DNM1L: variants seen among roughly 807,000 people sequenced by gnomAD.
DNM1L encodes dynamin-1-like protein.
A neutral mutation model predicts 92.8 loss-of-function variants in DNM1L; 33 were observed. That is an observed-to-expected ratio of 0.36 (90% confidence interval 0.27 to 0.48). DNM1L has a LOEUF of 0.48. DNM1L is among the 20% of genes least tolerant of loss of function. DNM1L has a pLI of 0.99. For missense variants in DNM1L, 485 were observed against 888.8 expected (o/e 0.55, Z 5.78); for synonymous variants, 284 against 305.0 (o/e 0.93, Z 0.72).
chr12:32,736,035 T>C (rs1044411936), intron 13 of DNM1L, among the ~76,000 whole-genome samples: 1 of 151,568 alleles, frequency 6.6e-6, no homozygotes, highest in African/African-American at 2.4e-5. Context: ...CCATCATTAA[T>C]TAACATCTAC....
chr12:32,729,380 C>T lies in DNM1L; in HGVS notation c.1080-1634C>T, dbSNP rs139791155. Among the ~76,000 whole-genome samples, 405 of 152,240 alleles carry T rather than the reference C, an allele frequency of 2.7e-3. 2 individuals carry two copies. The highest frequency in any genetic ancestry group is 9.1e-3 in the African/African-American group (378 of 41,538). On this transcript the variant is annotated intron_variant, in intron 9 of 19. Transcript: ENST00000549701. ...ACAGGCATGAGCCACCGCGCCCAGCCGAAATTCTTATCTATTAAGCAATTA... is the reference window on the plus strand; with the variant it reads ...ACAGGCATGAGCCACCGCGCCCAGCTGAAATTCTTATCTATTAAGCAATTA...
intron 2 of DNM1L, among the ~76,000 whole-genome samples, chr12:32,703,026 A>G (rs1271102040): frequency 6.6e-6 from 1 of 150,640 alleles, no homozygotes; most frequent in Non-Finnish European, 1.5e-5. Flanking sequence ...ACCTTAAGAC[A>G]CTATATGATA....
chr12:32,701,340 G>A, intron 1 of DNM1L, 75 bp from the exon 2 acceptor site: 2 of 1,273,962 alleles, frequency 1.6e-6, no homozygotes, highest in South Asian at 2.5e-5. Flanking sequence ...ATGCTGGTTT[G>A]TTAATATAGT....
At chr12:32,735,921 T>A (rs1954840738) in intron 13 of DNM1L, among the ~76,000 whole-genome samples, 1 of 152,000 alleles carries the variant, frequency 6.6e-6, no homozygotes, top group Admixed American at 6.6e-5. Flanking sequence ...TAACTTATAT[T>A]TTTTTGCAAG....
intron 7 of DNM1L, among the ~76,000 whole-genome samples, chr12:32,720,162 C>G (rs1953741600): frequency 1.3e-5 from 2 of 152,152 alleles, no homozygotes; most frequent in Admixed American, 6.5e-5. Context: ...CTGTCATTCT[C>G]CCATCCCCAC....
chr12:32,681,113 C>T (rs1032750794), intron 1 of DNM1L, among the ~76,000 whole-genome samples: 4 of 152,000 alleles, frequency 2.6e-5, no homozygotes, highest in African/African-American at 9.7e-5. Context: ...AGTAAAGATC[C>T]CATCCTTCTG....
In DNM1L at chr12:32,738,459, C is replaced by T. The variant is rs575209748; in HGVS notation, c.1707+163C>T. ...CTAACCTGTGGAAGATGGCATTAAACGTTGTTTTAATTAGTAACAATAATA... is the reference window on the plus strand; with the variant it reads ...CTAACCTGTGGAAGATGGCATTAAATGTTGTTTTAATTAGTAACAATAATA... On this transcript the variant is annotated intron_variant, in intron 16 of 19. Coordinates refer to ENST00000549701, the MANE Select transcript of DNM1L (RefSeq NM_012062.5). Among the ~76,000 whole-genome samples the T allele has an allele frequency of 4.6e-5, 7 of 152,198 alleles. No homozygotes were observed. The South Asian group carries it at 6.2e-4, about 14-fold the overall frequency.
chr12:32,702,291 T>C (rs1952744432), intron 2 of DNM1L, among the ~76,000 whole-genome samples: 1 of 151,924 alleles, frequency 6.6e-6, no homozygotes, highest in Non-Finnish European at 1.5e-5. Context: ...ACCGTTCTTT[T>C]TTGATTAAAT....
chr12:32,711,469 A>T (rs1025285437), intron 5 of DNM1L, among the ~76,000 whole-genome samples: 1 of 151,958 alleles, frequency 6.6e-6, no homozygotes, highest in Admixed American at 6.6e-5. Flanking sequence ...TCAAACTCTA[A>T]TACCGAATTC....
chr12:32,733,656 C>A (rs1592669816), intron 12 of DNM1L, 59 bp from the exon 13 acceptor site: 2 of 1,417,244 alleles, frequency 1.4e-6, no homozygotes, highest in East Asian at 2.3e-5. Context: ...ATATAAATTT[C>A]TCAAAGTAAA....
At chr12:32,730,511 T>C (rs1954484262) in intron 9 of DNM1L, among the ~76,000 whole-genome samples, 1 of 152,270 alleles carries the variant, frequency 6.6e-6, no homozygotes, top group Non-Finnish European at 1.5e-5. Flanking sequence ...GAGACAAGCC[T>C]GGCTAACAAG....
At chr12:32,713,081 A>T in intron 5 of DNM1L, 128 bp from the exon 6 acceptor site, 2 of 841,350 alleles carry the variant, frequency 2.4e-6, no homozygotes, top group South Asian at 1.8e-5. Context: ...GTAGTATATT[A>T]GTAATGTCTT....
chr12:32,702,489 T>C (rs889242844), intron 2 of DNM1L, among the ~76,000 whole-genome samples: 1 of 152,182 alleles, frequency 6.6e-6, no homozygotes, highest in African/African-American at 2.4e-5. Flanking sequence ...GTAACATAGC[T>C]CTAATTATTA....
intron 6 of DNM1L, among the ~76,000 whole-genome samples, chr12:32,714,812 G>A (rs1303826762): frequency 6.0e-5 from 9 of 149,802 alleles, no homozygotes; most frequent in African/African-American, 2.2e-4. Flanking sequence ...CAAAGTGAGA[G>A]CCCCATCTCT....
At chr12:32,707,463 G>A in intron 3 of DNM1L, 50 bp downstream of exon 3, 1 of 1,301,634 alleles carries the variant, frequency 7.7e-7, no homozygotes, top group Non-Finnish European at 1.1e-6. Flanking sequence ...AAAATATATT[G>A]TATGAATACT....
intron 1 of DNM1L, among the ~76,000 whole-genome samples, chr12:32,693,588 G>GTTTTT (rs66844616): frequency 6.6e-6 from 1 of 151,668 alleles, no homozygotes; most frequent in East Asian, 1.9e-4. Flanking sequence ...GTAATTCAGT[G>GTTTTT]TTTTTTTTAG....
chr12:32,718,574 C>T (rs1408239454), intron 6 of DNM1L, 69 bp from the exon 7 acceptor site: 1 of 1,592,536 alleles, frequency 6.3e-7, no homozygotes, highest in African/African-American at 1.3e-5. Flanking sequence ...TTTATTAACA[C>T]TAAATAGTTG....
At chr12:32,686,218 T>G (rs1407277748) in intron 1 of DNM1L, among the ~76,000 whole-genome samples, 1 of 152,090 alleles carries the variant, frequency 6.6e-6, no homozygotes, top group African/African-American at 2.4e-5. Flanking sequence ...TGGCTAATTT[T>G]GTATTTTTAG....
chr12:32,732,619 T>G (rs1380543877), intron 12 of DNM1L: 5 of 454,394 alleles, frequency 1.1e-5, no homozygotes, highest in Non-Finnish European at 2.2e-5. Context: ...ATGTAAGTGC[T>G]GCTGCTTGGT....
Sources: gnomAD v4.1 joint callset for allele counts (sites outside exome capture counted in the v4.1 genomes callset) on GRCh38, gnomAD v4.1.1 for gene constraint, MANE v1.5 for transcripts, NCBI Gene and HGNC (gene_info 2026-07-23, HGNC 2026-07-21) for gene names.